The following TMIGD1 variants were observed in gnomAD, a reference collection of about 807,000 sequenced individuals.
TMIGD1 encodes the protein transmembrane and immunoglobulin domain-containing protein 1.
A neutral mutation model predicts 27.5 loss-of-function variants in TMIGD1; 29 were observed. That is an observed-to-expected ratio of 1.05 (90% CI 0.78 to 1.44). The LOEUF is 1.44. TMIGD1 is among the 40% of genes most tolerant of loss of function. The pLI, the probability that TMIGD1 is intolerant of heterozygous loss-of-function variation, is 0.00. For synonymous variants in TMIGD1, 109 were observed against 110.3 expected, an observed-to-expected ratio of 0.99 and a Z score of 0.07; for missense variants, 334 against 310.6, an observed-to-expected ratio of 1.08 and a Z score of -0.57.
chr17:30,320,907 G>A (rs1402980814), intron 4 of TMIGD1, among the ~76,000 whole-genome samples: 1 of 152,088 alleles, frequency 6.6e-6, no homozygotes, highest in Non-Finnish European at 1.5e-5. Flanking sequence ...GCCCAGGCTG[G>A]AGTGCAGTGG....
intron 2 of TMIGD1, among the ~76,000 whole-genome samples, chr17:30,331,208 A>T (rs1042561282): frequency 3.9e-5 from 6 of 152,134 alleles, no homozygotes; most frequent in African/African-American, 1.4e-4. Context: ...AAAGCAAAAA[A>T]CTTAAGCTAC....
intron 4 of TMIGD1, among the ~76,000 whole-genome samples, chr17:30,323,240 C>T (rs900976525): frequency 1.3e-5 from 2 of 152,176 alleles, no homozygotes; most frequent in African/African-American, 2.4e-5. Context: ...CCCCTCTCCC[C>T]TTGTCCTGTT....
At chr17:30,331,068 T>G (rs985154090) in intron 2 of TMIGD1, among the ~76,000 whole-genome samples, 1 of 151,890 alleles carries the variant, frequency 6.6e-6, no homozygotes, top group East Asian at 1.9e-4. Context: ...GGTGGCGGGC[T>G]CCTGTAATCC....
chr17:30,325,336 T>A (rs1291839623), intron 3 of TMIGD1, among the ~76,000 whole-genome samples: 2 of 152,198 alleles, frequency 1.3e-5, no homozygotes, highest in Non-Finnish European at 2.9e-5. Flanking sequence ...ATTATGAGCA[T>A]GATATATATA....
intron 3 of TMIGD1, among the ~76,000 whole-genome samples, chr17:30,326,776 A>G (rs1597684203): frequency 1.3e-5 from 2 of 152,226 alleles, no homozygotes; most frequent in East Asian, 1.9e-4. Context: ...AGATATGCAC[A>G]CTTTAAATTT....
intron 5 of TMIGD1, among the ~76,000 whole-genome samples, chr17:30,318,537 G>A (rs780442632): frequency 2.0e-5 from 3 of 152,126 alleles, no homozygotes; most frequent in Non-Finnish European, 4.4e-5. Context: ...AATTTAAAAG[G>A]AGGAAAATCA....
At chr17:30,332,018 A>G (rs1486443266) in intron 2 of TMIGD1, 34 bp downstream of exon 2, 8 of 1,490,628 alleles carry the variant, frequency 5.4e-6, no homozygotes, top group South Asian at 3.5e-5. Flanking sequence ...ATTTTTCTTT[A>G]TCTAAAAAGA....
At chr17:30,317,444 TG>T (rs779081926) in intron 5 of TMIGD1, among the ~76,000 whole-genome samples, 1 of 152,008 alleles carries the variant, frequency 6.6e-6, no homozygotes, top group Non-Finnish European at 1.5e-5. Context: ...CTTAGATACT[TG>T]AGTATTTACT....
intron 4 of TMIGD1, among the ~76,000 whole-genome samples, chr17:30,324,159 A>G (rs1437012396): frequency 2.0e-5 from 3 of 152,184 alleles, no homozygotes; most frequent in African/African-American, 4.8e-5. Flanking sequence ...TGCTAGCATG[A>G]GAGCAGACCA....
chr17:30,327,423 A>C (rs1242363761), intron 3 of TMIGD1, among the ~76,000 whole-genome samples: 2 of 151,930 alleles, frequency 1.3e-5, no homozygotes, highest in African/African-American at 2.4e-5. Context: ...TCTCAAAAAA[A>C]AAAAAAGTTT....
At chr17:30,325,138 A>T (rs761611191) in intron 3 of TMIGD1, 44 bp from the exon 4 acceptor site, 1 of 1,562,462 alleles carries the variant, frequency 6.4e-7, no homozygotes. Flanking sequence ...GATAAGCAAT[A>T]GTTCACTGTC....
At chr17:30,327,044 A>G (rs973515671) in intron 3 of TMIGD1, among the ~76,000 whole-genome samples, 1 of 137,262 alleles carries the variant, frequency 7.3e-6, no homozygotes, top group African/African-American at 3.1e-5. Context: ...GCAATTAACT[A>G]TACACACACA....
At chr17:30,330,235 T>C (rs1909931654) in intron 2 of TMIGD1, among the ~76,000 whole-genome samples, 1 of 119,612 alleles carries the variant, frequency 8.4e-6, no homozygotes, top group Admixed American at 1.1e-4. Context: ...ACATACAGAA[T>C]GATCATACAC....
chr17:30,330,013 A>C, intron 2 of TMIGD1, among the ~76,000 whole-genome samples: 1 of 152,110 alleles, frequency 6.6e-6, no homozygotes, highest in East Asian at 1.9e-4. Context: ...TGAGCCCAGG[A>C]GGTGGAGGTT....
chr17:30,328,732 G>A (rs766048466), intron 3 of TMIGD1, among the ~76,000 whole-genome samples: 1 of 152,118 alleles, frequency 6.6e-6, no homozygotes, highest in Non-Finnish European at 1.5e-5. Flanking sequence ...GAGGTAGGCG[G>A]TTCACTCGAG....
At chr17:30,319,793 G>T (rs1335281679) in intron 4 of TMIGD1, among the ~76,000 whole-genome samples, 1 of 151,950 alleles carries the variant, frequency 6.6e-6, no homozygotes, top group African/African-American at 2.4e-5. Context: ...TACCTGTACT[G>T]CAATGGTGCC....
chr17:30,319,429 C>CA (rs1286864435), intron 4 of TMIGD1, among the ~76,000 whole-genome samples: 2,416 of 40,122 alleles, frequency 0.06, 132 homozygotes, highest in African/African-American at 0.16. Flanking sequence ...TCTCTGTCTC[C>CA]AAAAAAAAAA....
chr17:30,318,949 C>T, intron 4 of TMIGD1, 36 bp from the exon 5 acceptor site: 1 of 1,418,984 alleles, frequency 7.0e-7, no homozygotes, highest in Non-Finnish European at 1.0e-6. Context: ...TAAGAATGAA[C>T]ATTTATATAC....
rs1216755601 is a variant in TMIGD1, at chr17:30,316,620, G to A, written c.*67C>T. 9 of 1,517,036 alleles carry A rather than the reference G, an allele frequency of 5.9e-6. No homozygotes were observed. Among genetic ancestry groups the A allele is most frequent in the Non-Finnish European group, 8.2e-6 (9 of 1,097,584 alleles). The allele number at this position is 1,517,036 out of a possible 1,614,324, so 94.0% of individuals were successfully genotyped here. On this transcript the variant is annotated 3_prime_UTR_variant, in exon 7 of 7. Transcript: ENST00000328886. ...TTTAATAATAGCAATAAATACAGAT[G>A]GGACTACATAAATTGTGGAGGTCCT...
Sources: allele counts gnomAD v4.1 joint callset (sites outside exome capture counted in the v4.1 genomes callset), GRCh38; gene constraint gnomAD v4.1.1; transcripts MANE v1.5; gene names NCBI Gene and HGNC (gene_info 2026-07-23, HGNC 2026-07-21).